TEX9: variants seen among roughly 807,000 people sequenced by gnomAD.
The protein encoded by TEX9 is testis expressed 9, also known as testis-expressed protein 9.
TEX9 carries 74 observed loss-of-function variants against 59.6 expected under a neutral mutation model. The ratio of observed to expected loss-of-function variants is 1.24; its 90% confidence interval spans 1.03 to 1.51. TEX9 has a LOEUF of 1.51. TEX9 is among the 40% of genes most tolerant of loss of function. The pLI is 0.00. For synonymous variants in TEX9, 186 were observed against 152.2 expected, an observed-to-expected ratio of 1.22 and a Z score of -1.64; for missense variants, 522 against 447.8, an observed-to-expected ratio of 1.17 and a Z score of -1.49.
At chr15:56,284,118 T>C (rs1304942125) in intron 1 of TEX9, among the ~76,000 whole-genome samples, 1 of 152,182 alleles carries the variant, frequency 6.6e-6, no homozygotes, top group Non-Finnish European at 1.5e-5. Flanking sequence ...TCAAGTGCCC[T>C]AAAAATGTTT....
chr15:56,269,653 C>CTTTTTTTTTT (rs1309147898), intron 1 of TEX9, among the ~76,000 whole-genome samples: 7 of 131,364 alleles, frequency 5.3e-5, no homozygotes, highest in Admixed American at 7.6e-5. Context: ...CTTTTCTTTT[C>CTTTTTTTTTT]TTTTTTTTTT....
intron 9 of TEX9, among the ~76,000 whole-genome samples, chr15:56,410,497 A>T (rs1469756632): frequency 1.3e-5 from 2 of 152,030 alleles, no homozygotes; most frequent in African/African-American, 4.8e-5. Flanking sequence ...TGTGCAACTC[A>T]GGACTTCAGA....
At chr15:56,440,589 T>A (rs1237695799) in intron 12 of TEX9, among the ~76,000 whole-genome samples, 2 of 152,082 alleles carry the variant, frequency 1.3e-5, no homozygotes, top group African/African-American at 2.4e-5. Context: ...GGGCAAATGG[T>A]CAAATAAAAT....
In TEX9 at chr15:56,339,383, C is replaced by CAAAAAAAAAAAAAAAAAAAAAAAA. The variant is rs71456382; in HGVS notation, c.-106-34050_-106-34027dup. ...GGGTGTCAGAGCAAGACTCCTTCTC[C>CAAAAAAAAAAAAAAAAAAAAAAAA]AAAAAAAAAAAAAAAAAAAAAAAAA... On this transcript the variant is annotated intron_variant, in intron 1 of 5. Transcript: ENST00000560827. 2.6e-4 allele frequency among the ~76,000 whole-genome samples: 8 copies of CAAAAAAAAAAAAAAAAAAAAAAAA among 30,768 alleles called. 1 individual carries two copies. The highest frequency in any genetic ancestry group is 9.6e-4 in the African/African-American group (8 of 8,326). 20.2% of individuals were successfully genotyped at this position (30,768 alleles called of 152,430 possible).
At chr15:56,322,823 G>A (rs1354654350) in intron 1 of TEX9, among the ~76,000 whole-genome samples, 6 of 144,152 alleles carry the variant, frequency 4.2e-5, no homozygotes, top group African/African-American at 1.5e-4. Flanking sequence ...TTTTAATACA[G>A]TACATAATCA....
chr15:56,394,780 A>G, exon 9 of TEX9: 1 of 1,613,280 alleles, frequency 6.2e-7, no homozygotes. Flanking sequence ...CTCTTTTCGA[A>G]GAAGCAAACA....
intron 1 of TEX9, among the ~76,000 whole-genome samples, chr15:56,246,186 C>G (rs2043852492): frequency 1.3e-5 from 2 of 152,220 alleles, no homozygotes; most frequent in South Asian, 4.1e-4. Context: ...ACCCCAGCAG[C>G]CACTAGAGGG....
intron 1 of TEX9, among the ~76,000 whole-genome samples, chr15:56,355,632 T>A (rs1306273599): frequency 6.6e-6 from 1 of 152,134 alleles, no homozygotes; most frequent in Non-Finnish European, 1.5e-5. Context: ...AATCAGCTGA[T>A]AAATTTCTAC....
At chr15:56,270,270 T>A (rs900539157) in intron 1 of TEX9, among the ~76,000 whole-genome samples, 6 of 152,164 alleles carry the variant, frequency 3.9e-5, no homozygotes, top group African/African-American at 1.4e-4. Flanking sequence ...ATTATTATTC[T>A]GTGGGAGTCT....
Sources: allele counts gnomAD v4.1 joint callset (sites outside exome capture counted in the v4.1 genomes callset), GRCh38; gene constraint gnomAD v4.1.1; transcripts MANE v1.5; gene names NCBI Gene and HGNC (gene_info 2026-07-23, HGNC 2026-07-21).